The following SPAG8 variants were observed in gnomAD, a reference collection of about 807,000 sequenced individuals.
The protein encoded by SPAG8 is sperm associated antigen 8, also known as sperm-associated antigen 8.
SPAG8 carries 36 observed loss-of-function variants against 45.3 expected under a neutral mutation model. The observed-to-expected ratio is 0.80, with a 90% CI of 0.61 to 1.05. The LOEUF (loss-of-function observed/expected upper bound fraction) is 1.05. Among genes scored for constraint, SPAG8 ranks in the 50% least tolerant of loss-of-function variants. The pLI is 0.00. For synonymous variants in SPAG8, 227 were observed against 232.6 expected, an observed-to-expected ratio of 0.98 and a Z score of 0.22; for missense variants, 573 against 609.2, an observed-to-expected ratio of 0.94 and a Z score of 0.63.
downstream of SPAG8, chr9:35,809,431 C>A: frequency 6.2e-7 from 1 of 1,614,194 alleles, no homozygotes. This position sits in a 1 kb window ranked among gnomAD's most constrained non-coding sequence, Gnocchi z 4.1. Context: ...GAAAGGACCT[C>A]CTGGACTCCT....
chr9:35,810,385 G>T (rs953365838), intron 5 of SPAG8, 54 bp downstream of exon 5: 1 of 1,607,240 alleles, frequency 6.2e-7, no homozygotes, highest in Non-Finnish European at 8.5e-7. Context: ...CTTGGCCACA[G>T]CCTGTCAGAG....
Position 35,810,029 on chromosome 9 carries a change from T to C in SPAG8, c.1367A>G (p.Glu456Gly). 6.2e-7 allele frequency: 1 copy of C among 1,613,708 alleles called. No individual in the cohort carries two copies. The change falls in exon 7 of 7, where the codon GAG becomes GGG. Residue 456 changes from glutamate (E) to glycine (G), a missense_variant. By Grantham distance (98) the Glu-to-Gly change is moderately conservative. Coordinates refer to ENST00000396638, the MANE Select transcript of SPAG8 (RefSeq NM_001039592.2). ...SLGKLLPYEP[E>G]NYPYQLGEIS... is the part of the protein sequence containing the mutation. ...TTCTCCCAATTGGTAGGGGTAATTC[T>C]CAGGTTCATAGGGCAAAAGTTTCCC...
chr9:35,811,879 G>T lies in SPAG8; in HGVS notation c.167C>A (p.Ser56Ter), dbSNP rs772092790. The T allele has an allele frequency of 1.2e-6, 2 of 1,609,584 alleles. No individual in the cohort carries two copies. The highest frequency in any genetic ancestry group is 1.7e-6 in the Non-Finnish European group (2 of 1,177,132). ...GAAGGCTGCAGTAGCTGCAGCAGCT[G>T]ATGCAGCCGCTGCAGCTGCTGCGGT... Reference protein sequence around the residue: ...AATAAAAAAASAAAATAAFTT... With the variant: ...AATAAAAAAA Residue 56 changes from serine to a stop codon, truncating the protein, a stop_gained, in exon 2 of 7, where the codon TCA becomes TAA. Coordinates refer to ENST00000396638, the MANE Select transcript of SPAG8 (RefSeq NM_001039592.2). LOFTEE classifies it high-confidence loss of function.
chr9:35,809,884 T>C lies in SPAG8; in HGVS notation c.*54A>G. The stretch of plus-strand genomic sequence containing the variant: ...AGAATTAACTTCCTCCCGACCTCTC[T>C]AGTGCAGACAGAAATAGATTCCATA... On this transcript the variant is annotated 3_prime_UTR_variant, in exon 7 of 7. Transcript: ENST00000396638. The surrounding 1 kb of genome is among the most constrained non-coding windows in gnomAD (Gnocchi z 4.1). The C allele has an allele frequency of 6.5e-7, 1 of 1,539,336 alleles. No individual in the cohort carries two copies. The highest frequency in any genetic ancestry group is 1.3e-5 in the South Asian group (1 of 77,124).
At chr9:35,810,164 A>C (rs773371444) in intron 6 of SPAG8, 32 bp from the exon 7 acceptor site, 1 of 1,606,728 alleles carries the variant, frequency 6.2e-7, no homozygotes, top group Non-Finnish European at 8.5e-7. Context: ...GATGGATCCC[A>C]CTCTCCCCAA....
Position 35,811,914 on chromosome 9 carries a change from C to G in SPAG8, c.132G>C (p.Leu44=). The G allele has an allele frequency of 6.2e-7, 1 of 1,609,028 alleles. No individual in the cohort carries two copies. The highest frequency in any genetic ancestry group is 2.2e-5 in the East Asian group (1 of 44,692). Residue 44 remains leucine, a synonymous_variant, in exon 2 of 7, where the codon CTG becomes CTC. Transcript: ENST00000396638. ...CTGCAGCTGCTGCGGTTGCAGCTGC[C>G]AGGGCCGACCTGGGACTGTCATCTG... ...PSSDDSPRSA[L]AAATAAAAAA... is the part of the protein sequence containing the mutation.
Position 35,810,632 on chromosome 9 carries a change from C to G in SPAG8, c.1085+5G>C. The G allele has an allele frequency of 6.2e-7, 1 of 1,614,158 alleles. No homozygotes were observed. Among genetic ancestry groups the G allele is most frequent in the Non-Finnish European group, 8.5e-7 (1 of 1,180,020 alleles). On this transcript the variant is annotated splice_donor_5th_base_variant and intron_variant, in intron 4 of 6. Coordinates refer to ENST00000396638, the MANE Select transcript of SPAG8 (RefSeq NM_001039592.2). ...ATCCCTCTTCCCCTTTACCCAATCCCTTACCAGATCTGATGCTGCAGGAGC... is the reference window on the plus strand; with the variant it reads ...ATCCCTCTTCCCCTTTACCCAATCCGTTACCAGATCTGATGCTGCAGGAGC...
chr9:35,809,778 C>G, downstream of SPAG8: 1 of 1,533,168 alleles, frequency 6.5e-7, no homozygotes, highest in East Asian at 2.3e-5. The surrounding 1 kb of genome is among the most constrained non-coding windows in gnomAD (Gnocchi z 4.1). Context: ...GGGGTATGCA[C>G]ACAGTGACTC....
Position 35,812,116 on chromosome 9 carries a change from C to A in SPAG8, c.32G>T (p.Arg11Leu). 6.2e-7 allele frequency: 1 copy of A among 1,609,556 alleles called. No homozygotes were observed. Among genetic ancestry groups the A allele is most frequent in the Non-Finnish European group, 8.5e-7 (1 of 1,180,012 alleles). Residue 11 changes from arginine (R) to leucine (L), a missense_variant, in exon 1 of 7, where the codon CGG (arginine) becomes CTG (leucine). Physicochemically the swap from Arg to Leu is moderately radical, Grantham distance 102 (BLOSUM62 -2). Coordinates refer to ENST00000396638, the MANE Select transcript of SPAG8 (RefSeq NM_001039592.2). METNESTEGS[R>L]SRSRSLDIQP... ...CTGCGGCTCTCACCGCGACCGCGACCGCGATCCCTCCGTAGACTCGTTGGT... is the reference window on the plus strand; with the variant it reads ...CTGCGGCTCTCACCGCGACCGCGACAGCGATCCCTCCGTAGACTCGTTGGT...
At chr9:35,809,202 G>A (rs747840482), downstream of SPAG8, 1 of 1,614,048 alleles carries the variant, frequency 6.2e-7, no homozygotes, top group African/African-American at 1.3e-5. This position sits in a 1 kb window ranked among gnomAD's most constrained non-coding sequence, Gnocchi z 4.1. Flanking sequence ...CCCTAGATGA[G>A]CTAGGATGCT....
downstream of SPAG8, chr9:35,809,616 T>C: frequency 1.7e-6 from 2 of 1,168,820 alleles, no homozygotes; most frequent in Non-Finnish European, 2.6e-6. The surrounding 1 kb of genome is among the most constrained non-coding windows in gnomAD (Gnocchi z 4.1). Context: ...GCCCTGTACA[T>C]ATACCTGTCC....
At chr9:35,808,550 C>A (rs372891937), downstream of SPAG8, 17 of 1,614,160 alleles carry the variant, frequency 1.1e-5, no homozygotes, top group Non-Finnish European at 1.4e-5. This position sits in a 1 kb window ranked among gnomAD's most constrained non-coding sequence, Gnocchi z 4.0. Context: ...TATCTGGCCT[C>A]CCAGGCCGAA....
In SPAG8 at chr9:35,811,295, A is replaced by G; in HGVS notation, c.751T>C (p.Leu251=). ...KQPPWEFLQV[L]EPGARGLWKP... is the part of the protein sequence containing the mutation. ...CATAGTCCTCGGGCACCCGGTTCTA[A>G]GACTTGCAAAAATTCCCAAGGTGGT... Residue 251 remains leucine, a synonymous_variant, in exon 2 of 7, where the codon TTA becomes CTA. Coordinates refer to ENST00000396638, the MANE Select transcript of SPAG8 (RefSeq NM_001039592.2). The G allele has an allele frequency of 6.2e-7, 1 of 1,614,140 alleles. No individual in the cohort carries two copies. The highest frequency in any genetic ancestry group is 8.5e-7 in the Non-Finnish European group (1 of 1,180,008).
At position 35,810,624 on chromosome 9, in the gene SPAG8, C is replaced by T. The variant is rs187051925; in HGVS notation, c.1085+13G>A. The T allele has an allele frequency of 8.7e-6, 14 of 1,614,124 alleles. No individual in the cohort carries two copies. Among genetic ancestry groups the T allele is most frequent in the Non-Finnish European group, 1.1e-5 (13 of 1,180,016 alleles). On this transcript the variant is annotated intron_variant, in intron 4 of 6. Coordinates refer to ENST00000396638, the MANE Select transcript of SPAG8 (RefSeq NM_001039592.2). ...TCCTCCCCATCCCTCTTCCCCTTTACCCAATCCCTTACCAGATCTGATGCT... is the reference window on the plus strand; with the variant it reads ...TCCTCCCCATCCCTCTTCCCCTTTATCCAATCCCTTACCAGATCTGATGCT...
chr9:35,812,024 T>A (rs747156885), intron 1 of SPAG8, 23 bp from the exon 2 acceptor site: 1 of 1,608,514 alleles, frequency 6.2e-7, no homozygotes, highest in South Asian at 1.1e-5. Flanking sequence ...AAACACGACA[T>A]GGCTGTCAAA....
At chr9:35,808,218 TTCC>T (rs774853310), downstream of SPAG8, 12 of 1,614,050 alleles carry the variant, frequency 7.4e-6, no homozygotes, top group African/African-American at 1.6e-4. The surrounding 1 kb of genome is among the most constrained non-coding windows in gnomAD (Gnocchi z 4.0). Flanking sequence ...TGCTTCCCAT[TTCC>T]TGATGGCAGA....
At position 35,810,308 on chromosome 9, in the gene SPAG8, G is replaced by A. The variant is rs999186031; in HGVS notation, c.1202C>T (p.Pro401Leu). 3.1e-6 allele frequency: 5 copies of A among 1,614,088 alleles called. No homozygotes were observed. The highest frequency in any genetic ancestry group is 4.2e-6 in the Non-Finnish European group (5 of 1,180,008). The change falls in exon 6 of 7, where the codon CCT becomes CTT. Residue 401 changes from proline (P) to leucine (L), a missense_variant and splice_region_variant. Transcript: ENST00000396638. ...AQAGTPAPTKPHDYRQEQPET... is the reference protein window; with the variant it reads ...AQAGTPAPTKLHDYRQEQPET... ...AGGTTGCTCCTGGCGGTAGTCGTGAGGCTGTGAGGGAGGGTACTGAGTAAC... is the reference window on the plus strand; with the variant it reads ...AGGTTGCTCCTGGCGGTAGTCGTGAAGCTGTGAGGGAGGGTACTGAGTAAC...
chr9:35,808,725 C>T, downstream of SPAG8: 4 of 1,612,194 alleles, frequency 2.5e-6, no homozygotes, highest in Non-Finnish European at 3.4e-6. This position sits in a 1 kb window ranked among gnomAD's most constrained non-coding sequence, Gnocchi z 4.0. Flanking sequence ...CCACCTTTCC[C>T]AGACTCTCCC....
chr9:35,809,307 T>C (rs1828627842), downstream of SPAG8: 3 of 1,610,484 alleles, frequency 1.9e-6, no homozygotes, highest in South Asian at 1.1e-5. The surrounding 1 kb of genome is among the most constrained non-coding windows in gnomAD (Gnocchi z 4.1). Flanking sequence ...ATTATGGGAA[T>C]CATAGGGAAA....
Sources: gnomAD v4.1 joint callset for allele counts on GRCh38, gnomAD v4.1.1 for gene constraint, Gnocchi (gnomAD v3.1) non-coding constraint, MANE v1.5 for transcripts, NCBI Gene and HGNC (gene_info 2026-07-23, HGNC 2026-07-21) for gene names.